The following CLIP2 variants were observed in gnomAD, a reference collection of about 807,000 sequenced individuals.
CLIP2 encodes CAP-Gly domain-containing linker protein 2.
CLIP2 carries 41 observed loss-of-function variants against 111.7 expected under a neutral mutation model. The ratio of observed to expected loss-of-function variants is 0.37; its 90% CI spans 0.29 to 0.48. The LOEUF is 0.48. Ranked by LOEUF, CLIP2 falls within the 20% of genes least tolerant of loss-of-function variation. The pLI, the probability that CLIP2 is intolerant of heterozygous loss-of-function variation, is 0.99. For missense variants in CLIP2, 1,160 were observed against 1,422.1 expected (o/e 0.82, Z 2.96); for synonymous variants, 660 against 644.2 (o/e 1.02, Z -0.37).
chr7:74,370,665 C>T (rs1790592704), intron 8 of CLIP2, among the ~76,000 whole-genome samples: 1 of 138,404 alleles, frequency 7.2e-6, no homozygotes, highest in Non-Finnish European at 1.5e-5. Flanking sequence ...AGTTATCATA[C>T]ACCAGGCTTT....
chr7:74,371,158 T>G (rs1015826411), intron 8 of CLIP2, among the ~76,000 whole-genome samples: 1 of 149,494 alleles, frequency 6.7e-6, no homozygotes, highest in Non-Finnish European at 1.5e-5. Context: ...GCTGGAGAAT[T>G]GCTTGAACCT....
chr7:74,310,864 A>T (rs1038927229), intron 1 of CLIP2, among the ~76,000 whole-genome samples: 6 of 151,988 alleles, frequency 3.9e-5, no homozygotes, highest in Non-Finnish European at 7.4e-5. Context: ...GGCACACGCC[A>T]CCATGCCCTG....
intron 3 of CLIP2, among the ~76,000 whole-genome samples, chr7:74,348,436 C>A (rs2116585148): frequency 6.6e-6 from 1 of 151,796 alleles, no homozygotes; most frequent in East Asian, 1.9e-4. Flanking sequence ...TGGGAGGATC[C>A]CTTGAGCCTA....
At chr7:74,352,396 C>T (rs563424409) in intron 3 of CLIP2, among the ~76,000 whole-genome samples, 1 of 151,386 alleles carries the variant, frequency 6.6e-6, no homozygotes, top group African/African-American at 2.4e-5. Flanking sequence ...GAGGTCGTGC[C>T]ACTGCACTCC....
At chr7:74,336,867 T>G (rs1789482318) in intron 2 of CLIP2, among the ~76,000 whole-genome samples, 2 of 22,792 alleles carry the variant, frequency 8.8e-5, no homozygotes, top group South Asian at 1.7e-3. Flanking sequence ...TTTGTTTTTT[T>G]TTTTTTTGTT....
At chr7:74,363,165 C>T (rs982481097) in intron 7 of CLIP2, among the ~76,000 whole-genome samples, 17 of 152,066 alleles carry the variant, frequency 1.1e-4, no homozygotes, top group African/African-American at 4.1e-4. Context: ...CCACCACGCC[C>T]CGCTAATTTT....
In CLIP2 at chr7:74,338,038, C is replaced by CA. The variant is rs112024330; in HGVS notation, c.122-403dup. 8.0e-4 allele frequency among the ~76,000 whole-genome samples: 121 copies of CA among 152,114 alleles called. No individual in the cohort carries two copies. Among genetic ancestry groups the CA allele is most frequent in the African/African-American group, 2.7e-3 (113 of 41,504 alleles). On this transcript the variant is annotated intron_variant, in intron 2 of 16. Coordinates refer to ENST00000223398, the MANE Select transcript of CLIP2 (RefSeq NM_003388.5). This position sits in a 1 kb window ranked among gnomAD's most constrained non-coding sequence, Gnocchi z 4.3. Reference sequence around the variant, plus strand: ...TTTCCATGGCAAGACCATGTCTCTACAAAAAAATACAAAAATTAGCCCAGT... The same window carrying CA: ...TTTCCATGGCAAGACCATGTCTCTACAAAAAAAATACAAAAATTAGCCCAGT...
At chr7:74,330,606 T>C (rs1481138961) in intron 2 of CLIP2, among the ~76,000 whole-genome samples, 2 of 152,004 alleles carry the variant, frequency 1.3e-5, no homozygotes, top group Non-Finnish European at 2.9e-5. Flanking sequence ...CCTCTTCCCC[T>C]ACCCCCAGGC....
At chr7:74,316,209 A>G (rs1248873826) in intron 1 of CLIP2, among the ~76,000 whole-genome samples, 1 of 151,996 alleles carries the variant, frequency 6.6e-6, no homozygotes, top group African/African-American at 2.4e-5. Flanking sequence ...AAAGGACATC[A>G]TCTTGTTCTA....
intron 8 of CLIP2, among the ~76,000 whole-genome samples, chr7:74,366,824 C>T (rs1426824254): frequency 4.0e-5 from 6 of 149,270 alleles, no homozygotes; most frequent in Non-Finnish European, 5.9e-5. Flanking sequence ...TACAGTGAGC[C>T]GCGATTGCGC....
intron 2 of CLIP2, among the ~76,000 whole-genome samples, chr7:74,320,830 G>T (rs1554729914): frequency 6.6e-6 from 1 of 152,176 alleles, no homozygotes; most frequent in African/African-American, 2.4e-5. Context: ...GACAGTGGGG[G>T]AAGGTCGTGA....
chr7:74,381,220 C>T (rs1444849675), intron 11 of CLIP2, among the ~76,000 whole-genome samples: 7 of 151,902 alleles, frequency 4.6e-5, no homozygotes, highest in South Asian at 2.1e-4. Context: ...GACGGAGTTT[C>T]GCTCTGTCGC....
Position 74,289,534 on chromosome 7 carries a change from T to A in CLIP2, c.-268T>A, listed in dbSNP as rs1484933090. 2 of 151,352 alleles carry A rather than the reference T, an allele frequency of 1.3e-5. No homozygotes were observed. Among genetic ancestry groups the A allele is most frequent in the Non-Finnish European group, 3.0e-5 (2 of 67,752 alleles). The allele number at this position is 151,352 out of a possible 1,614,324, so 9.4% of individuals were successfully genotyped here. On this transcript the variant is annotated 5_prime_UTR_variant, in exon 1 of 17. Transcript: ENST00000223398. ...GCGGCCTCGGTGCGCGCCTCCCGCCTTCCCAGAGACGTGGCGCGAGGCCCG... is the reference window on the plus strand; with the variant it reads ...GCGGCCTCGGTGCGCGCCTCCCGCCATCCCAGAGACGTGGCGCGAGGCCCG...
intron 13 of CLIP2, among the ~76,000 whole-genome samples, chr7:74,396,233 A>T (rs1015042890): frequency 6.6e-6 from 1 of 152,158 alleles, no homozygotes; most frequent in East Asian, 1.9e-4. Context: ...AAGAGGTGAC[A>T]TGGGAGATAA....
At chr7:74,357,562 G>T in intron 6 of CLIP2, 85 bp downstream of exon 6, 1 of 1,265,960 alleles carries the variant, frequency 7.9e-7, no homozygotes, top group South Asian at 1.3e-5. Flanking sequence ...CCCTGGAGGG[G>T]GTGGGTGCAG....
intron 11 of CLIP2, among the ~76,000 whole-genome samples, chr7:74,384,718 T>TA (rs1182514389): frequency 6.6e-6 from 1 of 151,946 alleles, no homozygotes; most frequent in Non-Finnish European, 1.5e-5. Context: ...AGTGCTGGGA[T>TA]AACAGGCGTG....
At chr7:74,322,106 C>T (rs1584324225) in intron 2 of CLIP2, among the ~76,000 whole-genome samples, 2 of 151,354 alleles carry the variant, frequency 1.3e-5, no homozygotes, top group South Asian at 4.2e-4. Flanking sequence ...ATTCTTCTGC[C>T]TCAGCCTCCT....
chr7:74,385,420 T>C (rs1554314613), intron 11 of CLIP2, among the ~76,000 whole-genome samples: 1 of 148,848 alleles, frequency 6.7e-6, no homozygotes, highest in African/African-American at 2.5e-5. Context: ...GAGCTATGAT[T>C]GCACACTCCA....
At chr7:74,341,810 G>A (rs182390764) in intron 3 of CLIP2, among the ~76,000 whole-genome samples, 151 of 152,240 alleles carry the variant, frequency 9.9e-4, no homozygotes, top group Admixed American at 7.3e-3. Flanking sequence ...GGGTGACCTG[G>A]TGGTGAGCGT....
Sources: allele counts gnomAD v4.1 joint callset (sites outside exome capture counted in the v4.1 genomes callset), GRCh38; gene constraint gnomAD v4.1.1; non-coding constraint Gnocchi (gnomAD v3.1); transcripts MANE v1.5; gene names NCBI Gene and HGNC (gene_info 2026-07-23, HGNC 2026-07-21).